PRKAG2: variants seen among roughly 807,000 people sequenced by gnomAD.
PRKAG2 encodes the protein 5'-AMP-activated protein kinase subunit gamma-2.
Under a neutral mutation model 69.6 loss-of-function variants are expected in PRKAG2, and 26 were observed. That is an observed-to-expected ratio of 0.37 (90% confidence interval 0.27 to 0.52). The LOEUF (loss-of-function observed/expected upper bound fraction) is 0.52, where lower values mean the gene tolerates loss of function less well. PRKAG2 is among the 20% of genes least tolerant of loss of function. PRKAG2 has a pLI of 0.90. For synonymous variants in PRKAG2, 293 were observed against 285.0 expected, an observed-to-expected ratio of 1.03 and a Z score of -0.28; for missense variants, 557 against 740.0, an observed-to-expected ratio of 0.75 and a Z score of 2.87.
chr7:151,737,542 C>G (rs893490659), intron 3 of PRKAG2, among the ~76,000 whole-genome samples: 1 of 152,140 alleles, frequency 6.6e-6, no homozygotes, highest in African/African-American at 2.4e-5. Context: ...GCAACGCCAT[C>G]AGTTTCTTCA....
chr7:151,715,309 C>A (rs1795987600), intron 3 of PRKAG2, among the ~76,000 whole-genome samples: 2 of 113,668 alleles, frequency 1.8e-5, no homozygotes, highest in African/African-American at 7.5e-5. Context: ...AGCCACTGCA[C>A]CTGGCCTAAA....
chr7:151,595,284 T>C (rs1814196586), intron 6 of PRKAG2, 61 bp downstream of exon 6: 1 of 1,192,528 alleles, frequency 8.4e-7, no homozygotes, highest in Non-Finnish European at 1.2e-6. Flanking sequence ...TTTAAATTAC[T>C]GTATAAAGTA....
intron 1 of PRKAG2, among the ~76,000 whole-genome samples, chr7:151,860,327 T>C (rs1022892843): frequency 6.6e-6 from 1 of 152,138 alleles, no homozygotes; most frequent in African/African-American, 2.4e-5. Context: ...CCAGAACTTC[T>C]TGCAAACATC....
chr7:151,680,166 C>G (rs1040080743), intron 3 of PRKAG2, among the ~76,000 whole-genome samples: 1 of 152,210 alleles, frequency 6.6e-6, no homozygotes, highest in South Asian at 2.1e-4. Context: ...ATCAAAACCA[C>G]AAACGCGCAT....
At chr7:151,842,448 G>A (rs868494149) in intron 1 of PRKAG2, among the ~76,000 whole-genome samples, 25 of 107,632 alleles carry the variant, frequency 2.3e-4, no homozygotes, top group African/African-American at 8.7e-4. Context: ...GATGGTAGGT[G>A]GGGATGGTAG....
At chr7:151,596,869 T>C (rs554131024) in intron 5 of PRKAG2, among the ~76,000 whole-genome samples, 1 of 152,256 alleles carries the variant, frequency 6.6e-6, no homozygotes, top group South Asian at 2.1e-4. Context: ...CACTGTGATC[T>C]ACAGATTCAA....
At chr7:151,649,201 C>G (rs1192678996) in intron 4 of PRKAG2, among the ~76,000 whole-genome samples, 1 of 152,136 alleles carries the variant, frequency 6.6e-6, no homozygotes, top group Non-Finnish European at 1.5e-5. Flanking sequence ...TCTTGGCTCA[C>G]TGCAACCTCC....
At chr7:151,642,079 T>C (rs1004014807) in intron 4 of PRKAG2, among the ~76,000 whole-genome samples, 23 of 137,398 alleles carry the variant, frequency 1.7e-4, no homozygotes, top group African/African-American at 6.3e-4. Flanking sequence ...CTCACACCTA[T>C]AATCCCAGCA....
At chr7:151,755,570 G>A (rs1339798823) in intron 3 of PRKAG2, among the ~76,000 whole-genome samples, 1 of 152,182 alleles carries the variant, frequency 6.6e-6, no homozygotes, top group Admixed American at 6.5e-5. Context: ...AAAAACAGGA[G>A]TTGGCAAATT....
At position 151,852,969 on chromosome 7, in the gene PRKAG2, G is replaced by C. The variant is rs190760690; in HGVS notation, c.114+23538C>G. Among the ~76,000 whole-genome samples, 1,315 of 152,288 alleles carry C rather than the reference G, an allele frequency of 8.6e-3. 27 individuals are homozygous for C. Among genetic ancestry groups the C allele is most frequent in the South Asian group, 0.032 (155 of 4,822 alleles). Reference sequence around the variant, plus strand: ...ACGGGCAACCCCAGGACTGGCTGTTGCAGCTTGGACTAAATTTAATTTCAC... The same window carrying C: ...ACGGGCAACCCCAGGACTGGCTGTTCCAGCTTGGACTAAATTTAATTTCAC... On this transcript the variant is annotated intron_variant, in intron 1 of 15. Transcript: ENST00000287878.
At chr7:151,710,566 G>A (rs912510111) in intron 3 of PRKAG2, among the ~76,000 whole-genome samples, 3 of 152,156 alleles carry the variant, frequency 2.0e-5, no homozygotes, top group African/African-American at 7.2e-5. Flanking sequence ...TCCCCTCCCC[G>A]GGAGCCCTGC....
Position 151,814,945 on chromosome 7 carries a change from G to C in PRKAG2, c.115-28404C>G. 9.0e-7 allele frequency: 1 copy of C among 1,111,620 alleles called. No homozygotes were observed. Among genetic ancestry groups the C allele is most frequent in the Non-Finnish European group, 1.1e-6 (1 of 879,072 alleles). The allele number at this position is 1,111,620 out of a possible 1,614,324, so 68.9% of individuals were successfully genotyped here. A position where few individuals can be genotyped will look rare whatever the true frequency, so the allele number is the denominator to read the frequency against. On this transcript the variant is annotated intron_variant, in intron 1 of 15. Transcript: ENST00000287878. This position sits in a 1 kb window ranked among gnomAD's most constrained non-coding sequence, Gnocchi z 4.8. ...TAAAAAGACAGGCAGCAGGATGGAG[G>C]GAGGCAGGAGCAGAGGCCGATGATG...
chr7:151,863,956 G>C (rs548872565), intron 1 of PRKAG2, among the ~76,000 whole-genome samples: 2 of 151,366 alleles, frequency 1.3e-5, no homozygotes, highest in South Asian at 4.2e-4. Context: ...CCTTTATGCT[G>C]TATTTTATCA....
At chr7:151,837,574 A>G (rs1440764143) in intron 1 of PRKAG2, 2 of 152,290 alleles carry the variant, frequency 1.3e-5, no homozygotes, top group Non-Finnish European at 2.9e-5. Flanking sequence ...TTTAAAGATT[A>G]GAAGCTGAGC....
intron 14 of PRKAG2, among the ~76,000 whole-genome samples, chr7:151,562,863 G>A (rs982131074): frequency 6.6e-6 from 1 of 151,392 alleles, no homozygotes; most frequent in African/African-American, 2.4e-5. Context: ...GCTGAGGCAG[G>A]AGAATCGCTT....
intron 1 of PRKAG2, among the ~76,000 whole-genome samples, chr7:151,838,071 G>A (rs1318680138): frequency 6.6e-6 from 1 of 152,232 alleles, no homozygotes; most frequent in African/African-American, 2.4e-5. Flanking sequence ...ACAGGCACCA[G>A]CAGAGGCAGG....
intron 5 of PRKAG2, among the ~76,000 whole-genome samples, chr7:151,596,656 C>T (rs1266916018): frequency 2.0e-5 from 3 of 151,854 alleles, no homozygotes; most frequent in East Asian, 3.9e-4. Context: ...GGCTGAGGCA[C>T]GAGAATTGCT....
rs1193750641 is a variant in PRKAG2 at position 151,569,760 on chromosome 7, TCAC to T, written c.1106+408_1106+410del. ...ACTACACAGAAGGCAGCCCATGCTCTCACCACATCTGAACCGACATCTAACACA... is the reference window on the plus strand; with the variant it reads ...ACTACACAGAAGGCAGCCCATGCTCTCACATCTGAACCGACATCTAACACA... On this transcript the variant is annotated intron_variant, in intron 10 of 15. Transcript: ENST00000287878. Among the ~76,000 whole-genome samples, 10 of 152,180 alleles carry T rather than the reference TCAC, an allele frequency of 6.6e-5. 1 individual carries two copies. Among genetic ancestry groups the T allele is most frequent in the Admixed American group, 5.9e-4 (9 of 15,278 alleles).
intron 3 of PRKAG2, among the ~76,000 whole-genome samples, chr7:151,778,556 T>C (rs1243749921): frequency 1.3e-5 from 2 of 152,190 alleles, no homozygotes; most frequent in Non-Finnish European, 2.9e-5. Context: ...CCCCATGCCT[T>C]CTCCAAGCCC....
Sources: gnomAD v4.1 joint callset for allele counts (sites outside exome capture counted in the v4.1 genomes callset) on GRCh38, gnomAD v4.1.1 for gene constraint, Gnocchi (gnomAD v3.1) non-coding constraint, MANE v1.5 for transcripts, NCBI Gene and HGNC (gene_info 2026-07-23, HGNC 2026-07-21) for gene names.